ADAM19: variants seen among roughly 807,000 people sequenced by gnomAD.
ADAM19 encodes ADAM metallopeptidase domain 19, also known as disintegrin and metalloproteinase domain-containing protein 19.
A neutral mutation model predicts 114.7 loss-of-function variants in ADAM19; 65 were observed. The ratio of observed to expected loss-of-function variants is 0.57; its 90% CI spans 0.46 to 0.70. ADAM19 has a LOEUF of 0.70. Ranked by LOEUF, ADAM19 falls within the 30% of genes least tolerant of loss-of-function variation. The pLI, the probability that ADAM19 is intolerant of heterozygous loss-of-function variation, is 0.00. For synonymous variants in ADAM19, 466 were observed against 460.5 expected (o/e 1.01, Z -0.15); for missense variants, 1,063 against 1,204.7 (o/e 0.88, Z 1.74).
At chr5:157,569,169 G>A (rs1757752014) in intron 2 of ADAM19, 1 of 150,906 alleles carries the variant, frequency 6.6e-6, no homozygotes, top group East Asian at 1.9e-4. Context: ...CCTACTTTTT[G>A]ATGAAATGAA....
rs192826024 is a variant in ADAM19 at position 157,570,148 on chromosome 5, T to C, written c.180+747A>G. 3.9e-5 allele frequency among the ~76,000 whole-genome samples: 6 copies of C among 152,292 alleles called. No individual in the cohort carries two copies. In the East Asian group the frequency reaches 1.2e-3, roughly 29 times the overall value. ...CGCAGCACACACATGTAATCTCAGC[T>C]ACTCCGGAAGCTAAGGCATGAGAAT... is the stretch of plus-strand genomic sequence containing the variant. On this transcript the variant is annotated intron_variant, in intron 2 of 22. Transcript: ENST00000257527.
intron 21 of ADAM19, among the ~76,000 whole-genome samples, chr5:157,487,275 T>C (rs1189265115): frequency 6.6e-6 from 1 of 152,068 alleles, no homozygotes; most frequent in African/African-American, 2.4e-5. Context: ...CCATCCTACC[T>C]CTGCCCCACA....
At position 157,496,881 on chromosome 5, in the gene ADAM19, A is replaced by T. The variant is rs888629104; in HGVS notation, c.1594+13T>A. On this transcript the variant is annotated intron_variant, in intron 14 of 22. Transcript: ENST00000257527. ...TGGGCTGGGGAGAGCCGTGCTCCCC[A>T]GGAGAGCCTTACCGGGTCCCCACAG... is the stretch of plus-strand genomic sequence containing the variant. The T allele has an allele frequency of 6.4e-7, 1 of 1,553,726 alleles. No individual in the cohort carries two copies. Among genetic ancestry groups the T allele is most frequent in the Non-Finnish European group, 8.7e-7 (1 of 1,152,850 alleles).
chr5:157,501,838 C>T (rs1228202581), intron 12 of ADAM19, among the ~76,000 whole-genome samples: 4 of 151,766 alleles, frequency 2.6e-5, no homozygotes, highest in South Asian at 4.2e-4. Flanking sequence ...CATCTGAGGT[C>T]AGGAGTTTGA....
At chr5:157,554,599 G>A (rs1343344059) in intron 3 of ADAM19, among the ~76,000 whole-genome samples, 1 of 152,166 alleles carries the variant, frequency 6.6e-6, no homozygotes, top group African/African-American at 2.4e-5. Context: ...TCCTCCCAGG[G>A]GCAATGGGTT....
chr5:157,564,507 A>G (rs1757598888), intron 2 of ADAM19, 64 bp from the exon 3 acceptor site: 4 of 1,419,936 alleles, frequency 2.8e-6, no homozygotes, highest in African/African-American at 1.4e-5. Flanking sequence ...TGGGTCGGGC[A>G]CAGGATCTAG....
chr5:157,521,629 G>A (rs905208310), intron 5 of ADAM19, among the ~76,000 whole-genome samples: 1 of 152,104 alleles, frequency 6.6e-6, no homozygotes, highest in African/African-American at 2.4e-5. Context: ...TGACTTCCTG[G>A]TTGCCTCACC....
chr5:157,522,717 C>T (rs1367949298), intron 5 of ADAM19, among the ~76,000 whole-genome samples: 4 of 152,002 alleles, frequency 2.6e-5, no homozygotes, highest in African/African-American at 7.3e-5. Flanking sequence ...ACCTGGGAGG[C>T]GGAGGTTGCA....
Position 157,489,194 on chromosome 5 carries a change from C to A in ADAM19, c.2241-8G>T, listed in dbSNP as rs200701496. The A allele has an allele frequency of 1.9e-6, 3 of 1,607,536 alleles. No homozygotes were observed. The highest frequency in any genetic ancestry group is 2.6e-6 in the Non-Finnish European group (3 of 1,174,176). ...GAAACCCTGAAGGGACAACTAGAAA[C>A]AAGAAATGGGGGAGGAAAAGAAAGG... On this transcript the variant is annotated splice_polypyrimidine_tract_variant and splice_region_variant and intron_variant, in intron 19 of 22. Transcript: ENST00000257527.
chr5:157,498,263 C>A (rs907334472), intron 13 of ADAM19, among the ~76,000 whole-genome samples: 2 of 152,230 alleles, frequency 1.3e-5, no homozygotes, highest in South Asian at 4.1e-4. Context: ...GATGCCCAGT[C>A]GCAAGTGTGG....
intron 11 of ADAM19, 66 bp from the exon 12 acceptor site, chr5:157,503,046 C>A: frequency 1.4e-6 from 2 of 1,481,106 alleles, no homozygotes; most frequent in Admixed American, 1.8e-5. Context: ...AGGTGTCACT[C>A]GTGCTGTCAC....
At chr5:157,505,936 C>T (rs1207269409) in intron 10 of ADAM19, 128 bp from the exon 11 acceptor site, 1 of 1,035,954 alleles carries the variant, frequency 9.7e-7, no homozygotes. Context: ...CATACAGACT[C>T]TCCATATGTG....
chr5:157,551,277 G>A (rs186713063), intron 3 of ADAM19, among the ~76,000 whole-genome samples: 6 of 151,994 alleles, frequency 3.9e-5, no homozygotes, highest in South Asian at 4.2e-4. Flanking sequence ...GGTGGTGCAC[G>A]CCTGTAATCT....
At position 157,479,697 on chromosome 5, in the gene ADAM19, G is replaced by A. The variant is rs144032423; in HGVS notation, c.*1252C>T. 3 of 986,066 alleles carry A rather than the reference G, an allele frequency of 3.0e-6. No homozygotes were observed. In the East Asian group the frequency reaches 3.4e-4, roughly 112 times the overall value. 61.1% of individuals were successfully genotyped at this position (986,066 alleles called of 1,614,324 possible). ...AATGACAAAAAGCTGGGTTGAGGAAGAGGCTCCCTGCTCTGACTGTTCCAG... is the reference window on the plus strand; with the variant it reads ...AATGACAAAAAGCTGGGTTGAGGAAAAGGCTCCCTGCTCTGACTGTTCCAG... On this transcript the variant is annotated 3_prime_UTR_variant, in exon 23 of 23. Coordinates refer to ENST00000257527, the MANE Select transcript of ADAM19 (RefSeq NM_033274.5).
chr5:157,505,586 G>T, intron 11 of ADAM19, 83 bp downstream of exon 11: 1 of 1,485,918 alleles, frequency 6.7e-7, no homozygotes. Context: ...GTCTCAGTGG[G>T]GCCAGCTGGG....
chr5:157,517,389 A>G (rs1756123773), intron 7 of ADAM19, among the ~76,000 whole-genome samples: 2 of 152,216 alleles, frequency 1.3e-5, no homozygotes, highest in African/African-American at 4.8e-5. Context: ...TCAGCTCATA[A>G]TGACATCCAA....
intron 4 of ADAM19, among the ~76,000 whole-genome samples, chr5:157,535,085 T>G (rs780433993): frequency 6.6e-6 from 1 of 152,084 alleles, no homozygotes; most frequent in Non-Finnish European, 1.5e-5. Context: ...CCATAAAAAT[T>G]AGTGATTCAT....
intron 7 of ADAM19, among the ~76,000 whole-genome samples, chr5:157,515,057 G>T (rs1756053703): frequency 6.6e-6 from 1 of 152,128 alleles, no homozygotes. Flanking sequence ...CCTGATACAG[G>T]GAAGAAATCC....
At chr5:157,528,735 G>C (rs1756543072) in intron 5 of ADAM19, among the ~76,000 whole-genome samples, 1 of 152,118 alleles carries the variant, frequency 6.6e-6, no homozygotes, top group Non-Finnish European at 1.5e-5. Flanking sequence ...GTCTTAGCAT[G>C]GTTTCACCGA....
Sources: allele counts gnomAD v4.1 joint callset (sites outside exome capture counted in the v4.1 genomes callset), GRCh38; gene constraint gnomAD v4.1.1; transcripts MANE v1.5; gene names NCBI Gene and HGNC (gene_info 2026-07-23, HGNC 2026-07-21).